ACCSL: variants seen among roughly 807,000 people sequenced by gnomAD.
ACCSL encodes the protein 1-aminocyclopropane-1-carboxylate synthase homolog (inactive) like, also known as probable inactive 1-aminocyclopropane-1-carboxylate synthase-like protein 2.
ACCSL carries 55 observed loss-of-function variants against 61.7 expected under a neutral mutation model. That is an observed-to-expected ratio of 0.89 (90% CI 0.72 to 1.12). ACCSL has a LOEUF of 1.12. ACCSL is among the 50% of genes most tolerant of loss of function. The probability of loss-of-function intolerance (pLI) is 0.00; values close to 1 mark genes in which losing one functional copy is unlikely to be tolerated. For synonymous variants in ACCSL, 258 were observed against 264.3 expected, an observed-to-expected ratio of 0.98 and a Z score of 0.23; for missense variants, 632 against 698.0, an observed-to-expected ratio of 0.91 and a Z score of 1.07.
the ACCSL span, among the ~76,000 whole-genome samples, chr11:43,999,850 T>C: frequency 1.7e-5 from 2 of 119,598 alleles, no homozygotes. Flanking sequence ...TCAAAAATAT[T>C]CAGAAAAAAA....
At chr11:43,977,540 T>C in the ACCSL span, among the ~76,000 whole-genome samples, 5 of 152,190 alleles carry the variant, frequency 3.3e-5, no homozygotes. Flanking sequence ...TCCTAGAGCC[T>C]CCAGAAGGAA....
chr11:44,027,447 T>A, the ACCSL span, among the ~76,000 whole-genome samples: 1 of 152,230 alleles, frequency 6.6e-6, no homozygotes, highest in African/African-American at 2.4e-5. Context: ...GTAAAGTAAA[T>A]GTTCCAATAA....
the ACCSL span, among the ~76,000 whole-genome samples, chr11:43,974,445 G>A: frequency 3.3e-5 from 5 of 152,214 alleles, no homozygotes; most frequent in Admixed American, 1.3e-4. Context: ...GGGCCCACCT[G>A]GATAATCTGA....
intron 6 of ACCSL, 79 bp downstream of exon 6, chr11:44,052,838 T>C: frequency 6.7e-7 from 1 of 1,499,288 alleles, no homozygotes; most frequent in Non-Finnish European, 9.3e-7. Context: ...GTAGAGGGGC[T>C]TGCTTTCTAC....
At chr11:44,048,753 T>A (rs1248585800) in intron 1 of ACCSL, among the ~76,000 whole-genome samples, 1 of 152,020 alleles carries the variant, frequency 6.6e-6, no homozygotes, top group Non-Finnish European at 1.5e-5. Flanking sequence ...CATCCCTCCC[T>A]CTCCCTAATC....
intron 6 of ACCSL, 49 bp downstream of exon 6, chr11:44,052,808 T>C: frequency 6.4e-7 from 1 of 1,566,648 alleles, no homozygotes; most frequent in Non-Finnish European, 8.8e-7. Context: ...CAATGGACTG[T>C]TCTGGGGACA....
At chr11:44,002,242 C>A in the ACCSL span, among the ~76,000 whole-genome samples, 2 of 151,974 alleles carry the variant, frequency 1.3e-5, no homozygotes, top group Non-Finnish European at 2.9e-5. Flanking sequence ...GGTTTGAGAG[C>A]GCGCCTCCCC....
chr11:43,996,282 G>A, the ACCSL span, among the ~76,000 whole-genome samples: 2 of 152,208 alleles, frequency 1.3e-5, no homozygotes, highest in South Asian at 2.1e-4. Context: ...CACCATAGAT[G>A]GCTCTAACCT....
intron 13 of ACCSL, among the ~76,000 whole-genome samples, chr11:44,059,334 C>T (rs952984759): frequency 6.6e-6 from 1 of 152,158 alleles, no homozygotes; most frequent in African/African-American, 2.4e-5. Flanking sequence ...AGGCAGATGA[C>T]CATGGAAGTC....
At chr11:44,051,855 A>G (rs558525768) in intron 5 of ACCSL, 136 bp downstream of exon 5, 1 of 954,540 alleles carries the variant, frequency 1.0e-6, no homozygotes, top group South Asian at 1.4e-5. Context: ...CTTCTCCCAC[A>G]CTGACTAGGT....
At chr11:44,011,252 C>G in the ACCSL span, among the ~76,000 whole-genome samples, 215 of 152,316 alleles carry the variant, frequency 1.4e-3, 4 homozygotes, top group East Asian at 0.03. Context: ...CACCTCCCAA[C>G]CCCCAGCCAG....
chr11:44,000,048 C>CG, the ACCSL span, among the ~76,000 whole-genome samples: 1 of 152,106 alleles, frequency 6.6e-6, no homozygotes, highest in Admixed American at 6.5e-5. Flanking sequence ...GAAGGCCAAG[C>CG]GGGGGCGGAT....
At chr11:43,985,902 G>A in the ACCSL span, among the ~76,000 whole-genome samples, 19 of 152,132 alleles carry the variant, frequency 1.2e-4, no homozygotes, top group African/African-American at 4.6e-4. Context: ...TGGGCATGGT[G>A]GGGAGTATGC....
chr11:44,001,813 GT>G, the ACCSL span, among the ~76,000 whole-genome samples: 4 of 149,090 alleles, frequency 2.7e-5, no homozygotes, highest in African/African-American at 4.9e-5. Context: ...GTGTGTGTGT[GT>G]GTGTGTGTGT....
At chr11:44,023,799 C>T in the ACCSL span, among the ~76,000 whole-genome samples, 1 of 151,998 alleles carries the variant, frequency 6.6e-6, no homozygotes, top group East Asian at 1.9e-4. Context: ...ATAAATTTTC[C>T]TCTAAGTACT....
the ACCSL span, among the ~76,000 whole-genome samples, chr11:43,997,093 G>A: frequency 1.3e-5 from 2 of 151,934 alleles, no homozygotes; most frequent in Non-Finnish European, 2.9e-5. Context: ...TTACAGGCAT[G>A]AGCCACTCCT....
chr11:43,935,983 C>T, the ACCSL span, among the ~76,000 whole-genome samples: 1 of 152,234 alleles, frequency 6.6e-6, no homozygotes, highest in Non-Finnish European at 1.5e-5. Context: ...CCCAGCAAGT[C>T]CCAGAGGGCA....
At chr11:44,054,194 T>G (rs1478651817) in intron 8 of ACCSL, among the ~76,000 whole-genome samples, 1 of 152,228 alleles carries the variant, frequency 6.6e-6, no homozygotes, top group Non-Finnish European at 1.5e-5. Context: ...GACGTGTTCC[T>G]ATAGAACTTC....
At chr11:44,032,958 C>A in the ACCSL span, among the ~76,000 whole-genome samples, 3 of 152,098 alleles carry the variant, frequency 2.0e-5, no homozygotes, top group Non-Finnish European at 4.4e-5. Context: ...GCCTCCCTGG[C>A]GACAGTGGGA....
Sources: allele counts gnomAD v4.1 joint callset (sites outside exome capture counted in the v4.1 genomes callset), GRCh38; gene constraint gnomAD v4.1.1; transcripts MANE v1.5; gene names NCBI Gene and HGNC (gene_info 2026-07-23, HGNC 2026-07-21).